The following CSMD1 variants were observed in gnomAD, a reference collection of about 807,000 sequenced individuals.
CSMD1 encodes the protein CUB and Sushi multiple domains 1, also known as CUB and sushi domain-containing protein 1.
A neutral mutation model predicts 417.5 loss-of-function variants in CSMD1; 213 were observed. The observed-to-expected ratio is 0.51, with a 90% CI of 0.46 to 0.57. The LOEUF is 0.57. CSMD1 is among the 20% of genes least tolerant of loss of function. The pLI, the probability that CSMD1 is intolerant of heterozygous loss-of-function variation, is 0.00. For missense variants in CSMD1, 6,923 were observed against 4,529.7 expected, an observed-to-expected ratio of 1.53 and a Z score of -15.17; for synonymous variants, 2,862 against 1,736.8, an observed-to-expected ratio of 1.65 and a Z score of -16.11.
chr8:3,840,043 C>G (rs1456089254), intron 5 of CSMD1, among the ~76,000 whole-genome samples: 10 of 152,016 alleles, frequency 6.6e-5, no homozygotes, highest in Non-Finnish European at 1.5e-4. Flanking sequence ...TCTAGGAATC[C>G]TCTGGGTTGA....
intron 54 of CSMD1, among the ~76,000 whole-genome samples, chr8:2,985,384 A>G (rs1805802773): frequency 6.6e-6 from 1 of 152,060 alleles, no homozygotes; most frequent in Admixed American, 6.6e-5. Context: ...CTGTGGTGTG[A>G]TACTGCTACA....
chr8:3,536,324 G>T (rs1264874636), intron 10 of CSMD1, among the ~76,000 whole-genome samples: 4 of 152,174 alleles, frequency 2.6e-5, no homozygotes, highest in Non-Finnish European at 5.9e-5. Context: ...TAAAATGGCA[G>T]CCTGTGGCTT....
At chr8:4,024,455 T>A (rs1022738806) in intron 4 of CSMD1, among the ~76,000 whole-genome samples, 4 of 152,196 alleles carry the variant, frequency 2.6e-5, no homozygotes, top group Admixed American at 2.6e-4. Flanking sequence ...TTACTGATCT[T>A]CAATGTTAGT....
At chr8:3,792,760 C>T (rs774846485) in intron 5 of CSMD1, among the ~76,000 whole-genome samples, 3 of 152,162 alleles carry the variant, frequency 2.0e-5, no homozygotes, top group Non-Finnish European at 4.4e-5. Flanking sequence ...ATGTTGAGAA[C>T]TGCCTTTTCA....
Position 3,188,876 on chromosome 8 carries a change from C to G in CSMD1, c.5523+11G>C. ...GAGCCCTGTTGTAGACTGTGGACTT[C>G]AAGGACTCACCTGAATTCCCGAGCC... On this transcript the variant is annotated intron_variant, in intron 35 of 69. Transcript: ENST00000635120. The G allele has an allele frequency of 1.9e-6, 3 of 1,552,496 alleles. No homozygotes were observed. Among genetic ancestry groups the G allele is most frequent in the South Asian group, 1.2e-5 (1 of 83,376 alleles).
At chr8:4,767,798 A>C (rs1173506937) in intron 1 of CSMD1, among the ~76,000 whole-genome samples, 2 of 152,174 alleles carry the variant, frequency 1.3e-5, no homozygotes, top group East Asian at 1.9e-4. Context: ...TGGTGTTCCC[A>C]AACACTTATT....
At chr8:4,501,687 A>G (rs1802265859) in intron 2 of CSMD1, among the ~76,000 whole-genome samples, 1 of 152,208 alleles carries the variant, frequency 6.6e-6, no homozygotes, top group Non-Finnish European at 1.5e-5. Context: ...TCCTTTGTCC[A>G]GTGGATTCAC....
intron 10 of CSMD1, among the ~76,000 whole-genome samples, chr8:3,538,635 G>C (rs962229277): frequency 3.3e-5 from 5 of 152,264 alleles, no homozygotes; most frequent in Admixed American, 6.5e-5. Flanking sequence ...CAAAGGTATA[G>C]AGCTTTCCTC....
intron 1 of CSMD1, among the ~76,000 whole-genome samples, chr8:4,868,951 C>T (rs1802576241): frequency 6.6e-6 from 1 of 151,524 alleles, no homozygotes; most frequent in African/African-American, 2.4e-5. Context: ...ATAGATTATA[C>T]CTATATACAC....
chr8:4,589,986 A>G (rs970577212), intron 2 of CSMD1, among the ~76,000 whole-genome samples: 1 of 152,228 alleles, frequency 6.6e-6, no homozygotes, highest in Admixed American at 6.5e-5. Context: ...TGCTTAAGAT[A>G]CTGTCTGTTC....
chr8:3,816,639 G>A (rs1037199982), intron 5 of CSMD1, among the ~76,000 whole-genome samples: 1 of 152,060 alleles, frequency 6.6e-6, no homozygotes, highest in Non-Finnish European at 1.5e-5. Flanking sequence ...TAATTTGGAT[G>A]TTTCTAACAT....
chr8:4,081,535 G>C (rs537670787), intron 3 of CSMD1, among the ~76,000 whole-genome samples: 4 of 152,220 alleles, frequency 2.6e-5, no homozygotes, highest in Admixed American at 2.0e-4. Flanking sequence ...CCAACCACCG[G>C]AAAGGAACCG....
intron 12 of CSMD1, among the ~76,000 whole-genome samples, chr8:3,455,805 G>T (rs1816086212): frequency 6.6e-6 from 1 of 152,228 alleles, no homozygotes; most frequent in Non-Finnish European, 1.5e-5. Context: ...ATCTCAAGCT[G>T]CATGCTGGGA....
rs1040878910 is a variant in CSMD1, at chr8:3,193,504, T to A, written c.5195-3389A>T. ...AATCAGACAGTGCTGTGTAACTTCA[T>A]CCTCCCCGCCCGTCCTCTGGGTCTG... On this transcript the variant is annotated intron_variant, in intron 33 of 69. Transcript: ENST00000635120. 2.6e-5 allele frequency among the ~76,000 whole-genome samples: 4 copies of A among 151,950 alleles called. No homozygotes were observed. The South Asian group carries it at 6.2e-4, about 24-fold the overall frequency.
intron 5 of CSMD1, among the ~76,000 whole-genome samples, chr8:3,887,076 C>T (rs777849309): frequency 6.6e-6 from 1 of 152,210 alleles, no homozygotes; most frequent in Non-Finnish European, 1.5e-5. Flanking sequence ...AAGACACAAT[C>T]CCACTCTAGC....
chr8:3,723,503 T>C (rs1193032677), intron 6 of CSMD1, among the ~76,000 whole-genome samples: 2 of 152,142 alleles, frequency 1.3e-5, no homozygotes, highest in Non-Finnish European at 2.9e-5. Context: ...ATTCCGAAAA[T>C]CATAGTTGGG....
intron 17 of CSMD1, among the ~76,000 whole-genome samples, chr8:3,393,512 C>A (rs1235178716): frequency 6.6e-6 from 1 of 152,082 alleles, no homozygotes; most frequent in Non-Finnish European, 1.5e-5. Context: ...CTGTTGGCTG[C>A]ATAAATGTCT....
chr8:4,394,663 C>A (rs987254777), intron 3 of CSMD1, among the ~76,000 whole-genome samples: 3 of 98,028 alleles, frequency 3.1e-5, no homozygotes, highest in African/African-American at 9.0e-5. Context: ...TTTCTCCTTT[C>A]TTTCCCTATT....
intron 11 of CSMD1, among the ~76,000 whole-genome samples, chr8:3,475,515 G>C (rs1817357412): frequency 6.6e-6 from 1 of 152,280 alleles, no homozygotes; most frequent in African/African-American, 2.4e-5. Context: ...TGATGGCTCT[G>C]TCATTAATTC....
Sources: allele counts gnomAD v4.1 joint callset (sites outside exome capture counted in the v4.1 genomes callset), GRCh38; gene constraint gnomAD v4.1.1; transcripts MANE v1.5; gene names NCBI Gene and HGNC (gene_info 2026-07-23, HGNC 2026-07-21).